The following CSMD1 variants were observed in gnomAD, a reference collection of about 807,000 sequenced individuals.
CSMD1 encodes CUB and sushi domain-containing protein 1.
Under a neutral mutation model 417.5 loss-of-function variants are expected in CSMD1, and 213 were observed. The ratio of observed to expected loss-of-function variants is 0.51; its 90% confidence interval spans 0.46 to 0.57. The LOEUF (loss-of-function observed/expected upper bound fraction) is 0.57. Ranked by LOEUF, CSMD1 falls within the 20% of genes least tolerant of loss-of-function variation. CSMD1 has a pLI of 0.00. For synonymous variants in CSMD1, 2,862 were observed against 1,736.8 expected (o/e 1.65, Z -16.11); for missense variants, 6,923 against 4,529.7 (o/e 1.53, Z -15.17).
At chr8:4,047,862 T>A (rs571421454) in intron 3 of CSMD1, among the ~76,000 whole-genome samples, 1 of 152,262 alleles carries the variant, frequency 6.6e-6, no homozygotes, top group African/African-American at 2.4e-5. Flanking sequence ...GAGGATCAGA[T>A]CTAATAATAA....
chr8:4,130,191 C>G (rs1008570331), intron 3 of CSMD1, among the ~76,000 whole-genome samples: 1 of 152,102 alleles, frequency 6.6e-6, no homozygotes, highest in Non-Finnish European at 1.5e-5. Flanking sequence ...CTTTCTTTCT[C>G]TTGAGTGGCT....
chr8:4,877,983 A>G (rs552613271), intron 1 of CSMD1, among the ~76,000 whole-genome samples: 1 of 152,180 alleles, frequency 6.6e-6, no homozygotes, highest in African/African-American at 2.4e-5. Flanking sequence ...GTATGTGCAC[A>G]CCCATGACCC....
chr8:4,045,707 A>G (rs1006384886), intron 3 of CSMD1, among the ~76,000 whole-genome samples: 3 of 152,250 alleles, frequency 2.0e-5, no homozygotes, highest in African/African-American at 4.8e-5. Context: ...CAGTAACCAT[A>G]AGATTCAAAG....
intron 25 of CSMD1, among the ~76,000 whole-genome samples, chr8:3,305,706 C>G (rs529168755): frequency 1.3e-5 from 2 of 152,236 alleles, no homozygotes; most frequent in South Asian, 4.1e-4. Context: ...TCTTGAGACA[C>G]AGTCTCACTG....
intron 2 of CSMD1, among the ~76,000 whole-genome samples, chr8:4,437,201 A>C (rs1434852763): frequency 1.3e-5 from 2 of 152,262 alleles, no homozygotes; most frequent in African/African-American, 4.8e-5. Context: ...TCAACAAATC[A>C]AATCAATGAC....
chr8:4,666,758 C>T (rs1258820323), intron 1 of CSMD1, among the ~76,000 whole-genome samples: 1 of 152,102 alleles, frequency 6.6e-6, no homozygotes, highest in Non-Finnish European at 1.5e-5. Context: ...AGTCCTTCAT[C>T]AGATATGTAT....
intron 3 of CSMD1, among the ~76,000 whole-genome samples, chr8:4,373,757 C>A (rs184285728): frequency 6.6e-6 from 1 of 152,314 alleles, no homozygotes; most frequent in Admixed American, 6.5e-5. Context: ...ATCTTATTAT[C>A]AGGTTCTCCC....
chr8:4,062,891 C>T (rs10090074), intron 3 of CSMD1, among the ~76,000 whole-genome samples: 36,339 of 150,454 alleles, frequency 0.24, 4,951 homozygotes, highest in South Asian at 0.31. Flanking sequence ...GAAGAGTAAA[C>T]TGCAGCAATA....
At chr8:3,459,917 T>G (rs140534614) in intron 12 of CSMD1, among the ~76,000 whole-genome samples, 67 of 152,256 alleles carry the variant, frequency 4.4e-4, no homozygotes, top group African/African-American at 1.6e-3. Context: ...AAGGGTTAAA[T>G]GGCCCATGAT....
At chr8:4,508,935 G>C (rs1310896346) in intron 2 of CSMD1, among the ~76,000 whole-genome samples, 1 of 152,070 alleles carries the variant, frequency 6.6e-6, no homozygotes, top group Non-Finnish European at 1.5e-5. Flanking sequence ...AAATCCCACA[G>C]GACAGGTCCA....
Position 3,290,164 on chromosome 8 carries a change from C to G in CSMD1, c.3951-5818G>C, listed in dbSNP as rs1340519272. The stretch of plus-strand genomic sequence containing the variant: ...ATATGCAGCATTATTTCTGAGGGCT[C>G]TGTTCTGTTCCATTGGTCTCTATCT... On this transcript the variant is annotated intron_variant, in intron 25 of 69. Coordinates refer to ENST00000635120, the MANE Select transcript of CSMD1 (RefSeq NM_033225.6). Among the ~76,000 whole-genome samples the G allele has an allele frequency of 2.7e-5, 4 of 146,818 alleles. 1 individual carries two copies. The highest frequency in any genetic ancestry group is 2.1e-4 in the South Asian group (1 of 4,806).
intron 5 of CSMD1, among the ~76,000 whole-genome samples, chr8:3,769,516 A>G (rs28639972): frequency 0.32 from 46,987 of 147,270 alleles, 8,819 homozygotes; most frequent in Non-Finnish European, 0.42. Flanking sequence ...GAAAAAATAT[A>G]ATATCATTAA....
At chr8:3,436,918 T>C (rs897129690) in intron 12 of CSMD1, among the ~76,000 whole-genome samples, 5 of 152,134 alleles carry the variant, frequency 3.3e-5, no homozygotes, top group African/African-American at 1.2e-4. Flanking sequence ...ACTTTATGTA[T>C]GGCTTCTCCA....
chr8:3,875,570 T>C lies in CSMD1; in HGVS notation c.819-121528A>G, dbSNP rs144057006. ...GCAGGAGAGGCTCCTTCAGGAGGAA[T>C]GTTTTATTGGAGAGGAGTCCCATTG... On this transcript the variant is annotated intron_variant, in intron 5 of 69. Coordinates refer to ENST00000635120, the MANE Select transcript of CSMD1 (RefSeq NM_033225.6). Among the ~76,000 whole-genome samples, 76 of 152,114 alleles carry C rather than the reference T, an allele frequency of 5.0e-4. 2 individuals carry two copies. The East Asian group carries it at 0.013, about 27-fold the overall frequency.
intron 2 of CSMD1, among the ~76,000 whole-genome samples, chr8:4,633,897 T>G (rs1312252977): frequency 6.6e-6 from 1 of 151,844 alleles, no homozygotes; most frequent in East Asian, 1.9e-4. Flanking sequence ...TGGGATTTGG[T>G]GACTGCATGG....
At chr8:3,660,927 T>C (rs180870774) in intron 7 of CSMD1, among the ~76,000 whole-genome samples, 9 of 152,318 alleles carry the variant, frequency 5.9e-5, no homozygotes, top group South Asian at 2.1e-4. Context: ...TAGAAGTTTC[T>C]TGAGTTCCTG....
In CSMD1 at chr8:4,515,227, C is replaced by T. The variant is rs576058108; in HGVS notation, c.303-95162G>A. On this transcript the variant is annotated intron_variant, in intron 2 of 69. Coordinates refer to ENST00000635120, the MANE Select transcript of CSMD1 (RefSeq NM_033225.6). ...AAAAATATTTAATGAGTCTCTATTA[C>T]GCGTTAGGTGCTCTGCTAGGAAATG... 7.9e-5 allele frequency among the ~76,000 whole-genome samples: 12 copies of T among 152,274 alleles called. No individual in the cohort carries two copies. In the East Asian group the frequency reaches 1.5e-3, roughly 20 times the overall value.
chr8:3,557,930 G>T (rs950547786), intron 10 of CSMD1, among the ~76,000 whole-genome samples: 1 of 152,122 alleles, frequency 6.6e-6, no homozygotes, highest in Non-Finnish European at 1.5e-5. Context: ...TAAATAGTTT[G>T]TTGGTTTGCA....
At chr8:3,575,282 G>A (rs1182584221) in intron 9 of CSMD1, among the ~76,000 whole-genome samples, 3 of 151,856 alleles carry the variant, frequency 2.0e-5, no homozygotes, top group Non-Finnish European at 2.9e-5. Flanking sequence ...TGTTACGCTG[G>A]GACACTTCAT....
Sources: allele counts gnomAD v4.1 joint callset (sites outside exome capture counted in the v4.1 genomes callset), GRCh38; gene constraint gnomAD v4.1.1; transcripts MANE v1.5; gene names NCBI Gene and HGNC (gene_info 2026-07-23, HGNC 2026-07-21).